Variants in TRADD observed in about 807,000 individuals in gnomAD.
TRADD encodes the protein tumor necrosis factor receptor type 1-associated DEATH domain protein.
In TRADD, 14 loss-of-function variants were observed where a neutral mutation model predicts 31.5. The observed-to-expected ratio is 0.44, with a 90% confidence interval of 0.29 to 0.69. TRADD has a LOEUF of 0.69. Ranked by LOEUF, TRADD falls within the 30% of genes least tolerant of loss-of-function variation. The probability of loss-of-function intolerance (pLI) is 0.11; values close to 1 mark genes in which losing one functional copy is unlikely to be tolerated. For synonymous variants in TRADD, 220 were observed against 215.8 expected, an observed-to-expected ratio of 1.02 and a Z score of -0.17; for missense variants, 388 against 435.7, an observed-to-expected ratio of 0.89 and a Z score of 0.97.
In TRADD at chr16:67,154,476, A is replaced by T; in HGVS notation, c.*173T>A. The T allele has an allele frequency of 1.3e-6, 1 of 759,868 alleles. No individual in the cohort carries two copies. The highest frequency in any genetic ancestry group is 2.1e-6 in the Non-Finnish European group (1 of 466,488). The allele number at this position is 759,868 out of a possible 1,614,324, so 47.1% of individuals were successfully genotyped here. On this transcript the variant is annotated 3_prime_UTR_variant, in exon 5 of 5. Transcript: ENST00000345057. The surrounding 1 kb of genome is among the most constrained non-coding windows in gnomAD (Gnocchi z 5.2). ...AGTACCTGAGGCAGAATCCCCAATG[A>T]TGCACCCCCAGTGGTCTGGCTCCTG... is the stretch of plus-strand genomic sequence containing the variant.
Position 67,154,965 on chromosome 16 carries a change from G to A in TRADD, c.629-6C>T. On this transcript the variant is annotated splice_region_variant and splice_polypyrimidine_tract_variant and intron_variant, in intron 4 of 4. Coordinates refer to ENST00000345057, the MANE Select transcript of TRADD (RefSeq NM_003789.4). The surrounding 1 kb of genome is among the most constrained non-coding windows in gnomAD (Gnocchi z 5.2). ...CAGGCTCAGCGGCCGATTCACTGCAGAGGGAGTGGGGAAACGGGGTGAGGG... is the reference window on the plus strand; with the variant it reads ...CAGGCTCAGCGGCCGATTCACTGCAAAGGGAGTGGGGAAACGGGGTGAGGG... The A allele has an allele frequency of 6.2e-7, 1 of 1,608,346 alleles. No individual in the cohort carries two copies. Among genetic ancestry groups the A allele is most frequent in the Non-Finnish European group, 8.5e-7 (1 of 1,178,086 alleles).
intron 4 of TRADD, 36 bp downstream of exon 4, chr16:67,155,060 C>T: frequency 7.6e-7 from 1 of 1,311,530 alleles, no homozygotes; most frequent in Non-Finnish European, 1.0e-6. Context: ...CAGACTCCAA[C>T]CTCCTGGTGA....
Position 67,154,802 on chromosome 16 carries a change from G to A in TRADD, c.786C>T (p.Tyr262=), listed in dbSNP as rs750618299. 6.2e-5 allele frequency: 99 copies of A among 1,596,914 alleles called. No homozygotes were observed. The highest frequency in any genetic ancestry group is 3.3e-4 in the Middle Eastern group (2 of 6,066). ...LAYEYEREGL[Y]EQAFQLLRRF... ...GCCGCAGCAGCTGGAAGGCCTGCTCGTACAGTCCCTCGCGCTCGTACTCGT... is the reference window on the plus strand; with the variant it reads ...GCCGCAGCAGCTGGAAGGCCTGCTCATACAGTCCCTCGCGCTCGTACTCGT... The change falls in exon 5 of 5, where the codon TAC becomes TAT. Residue 262 remains tyrosine (Y), a synonymous_variant. Coordinates refer to ENST00000345057, the MANE Select transcript of TRADD (RefSeq NM_003789.4). The surrounding 1 kb of genome is among the most constrained non-coding windows in gnomAD (Gnocchi z 5.2).
chr16:67,154,229 A>C lies in TRADD; in HGVS notation c.*420T>G. ...TGTTATACTTTATTATCATTGCTTA[A>C]CATTCGGGGTCCCACGCTGAGTGTG... is the stretch of plus-strand genomic sequence containing the variant. On this transcript the variant is annotated 3_prime_UTR_variant, in exon 5 of 5. Transcript: ENST00000345057. This position sits in a 1 kb window ranked among gnomAD's most constrained non-coding sequence, Gnocchi z 5.2. 3.7e-6 allele frequency: 1 copy of C among 269,812 alleles called. No individual in the cohort carries two copies. The highest frequency in any genetic ancestry group is 7.2e-6 in the Non-Finnish European group (1 of 138,274). The allele number at this position is 269,812 out of a possible 1,614,324, so 16.7% of individuals were successfully genotyped here.
At chr16:67,155,320 G>T in intron 3 of TRADD, 26 bp from the exon 4 acceptor site, 1 of 1,608,774 alleles carries the variant, frequency 6.2e-7, no homozygotes, top group East Asian at 2.2e-5. Flanking sequence ...GTGCCGTCAC[G>T]GGGGACTTAA....
Position 67,159,012 on chromosome 16 carries a change from G to A in TRADD, c.-9+826C>T, listed in dbSNP as rs924358449. On this transcript the variant is annotated intron_variant, in intron 1 of 4. Transcript: ENST00000345057. The surrounding 1 kb of genome is among the most constrained non-coding windows in gnomAD (Gnocchi z 6.8). ...TACTGGGAACCTGGAGACTGGGGAT[G>A]CTTTCTCACACTCACTAGTACTAGA... Among the ~76,000 whole-genome samples the A allele has an allele frequency of 2.6e-5, 4 of 152,196 alleles. No homozygotes were observed. Among genetic ancestry groups the A allele is most frequent in the African/African-American group, 7.2e-5 (3 of 41,446 alleles).
chr16:67,155,271 T>C lies in TRADD; in HGVS notation c.453A>G (p.Glu151=). The C allele has an allele frequency of 6.2e-7, 1 of 1,610,508 alleles. No homozygotes were observed. Among genetic ancestry groups the C allele is most frequent in the Non-Finnish European group, 8.5e-7 (1 of 1,179,252 alleles). Residue 151 remains glutamate (E), a synonymous_variant, in exon 4 of 5, where the codon GAA becomes GAG. Coordinates refer to ENST00000345057, the MANE Select transcript of TRADD (RefSeq NM_003789.4). ...AQQPDRLRDE[E]LAELEDALRN... The stretch of plus-strand genomic sequence containing the variant: ...GCAGCGCATCCTCCAGCTCAGCCAG[T>C]TCTTCATCCCGGAGCCGGTCGGGCT...
Position 67,154,398 on chromosome 16 carries a change from A to G in TRADD, c.*251T>C. On this transcript the variant is annotated 3_prime_UTR_variant, in exon 5 of 5. Transcript: ENST00000345057. This position sits in a 1 kb window ranked among gnomAD's most constrained non-coding sequence, Gnocchi z 5.2. ...CTGTAAGCCCCGCTTCTGGGATGGG[A>G]GAAGGTGAGGCTGATCTCCAAAGCA... 1 of 583,312 alleles carries G rather than the reference A, an allele frequency of 1.7e-6. No individual in the cohort carries two copies. Among genetic ancestry groups the G allele is most frequent in the South Asian group, 2.0e-5 (1 of 49,652 alleles). 36.1% of individuals were successfully genotyped at this position (583,312 alleles called of 1,614,324 possible).
At chr16:67,158,208 C>G (rs530278710) in intron 1 of TRADD, among the ~76,000 whole-genome samples, 1 of 152,372 alleles carries the variant, frequency 6.6e-6, no homozygotes, top group South Asian at 2.1e-4. Flanking sequence ...CTCTGTCACC[C>G]AGGCTGGAGT....
rs1439472888 is a variant in TRADD at position 67,155,229 on chromosome 16, G to T, written c.495C>A (p.Gly165=). The change falls in exon 4 of 5, where the codon GGC becomes GGA. Residue 165 remains glycine, a synonymous_variant. Transcript: ENST00000345057. The part of the protein sequence containing the change: ...LEDALRNLKC[G]SGARGGDGEV... ...CCCCGTCGCCACCCCGGGCCCCCGAGCCGCACTTCAGATTTCGCAGCGCAT... is the reference window on the plus strand; with the variant it reads ...CCCCGTCGCCACCCCGGGCCCCCGATCCGCACTTCAGATTTCGCAGCGCAT... 1.9e-6 allele frequency: 3 copies of T among 1,603,802 alleles called. No individual in the cohort carries two copies. The highest frequency in any genetic ancestry group is 3.3e-4 in the Middle Eastern group (2 of 6,048).
Position 67,155,512 on chromosome 16 carries a change from C to G in TRADD, c.294G>C (p.Ala98=). 6.5e-7 allele frequency: 1 copy of G among 1,531,484 alleles called. No homozygotes were observed. The highest frequency in any genetic ancestry group is 8.7e-7 in the Non-Finnish European group (1 of 1,147,208). 94.9% of individuals were successfully genotyped at this position (1,531,484 alleles called of 1,614,324 possible). A position where few individuals can be genotyped will look rare whatever the true frequency, so the allele number is the denominator to read the frequency against. ...GCGCGGCCGCCAGGCTCCTCTGCAGCGCGGCGCGCAGCGCCCCCTCGCGGT... is the reference window on the plus strand; with the variant it reads ...GCGCGGCCGCCAGGCTCCTCTGCAGGGCGGCGCGCAGCGCCCCCTCGCGGT... ...RAYREGALRA[A]LQRSLAAALA... Residue 98 remains alanine, a synonymous_variant, in exon 3 of 5, where the codon GCG becomes GCC. Transcript: ENST00000345057.
chr16:67,158,223 TG>T (rs1224499583), intron 1 of TRADD, among the ~76,000 whole-genome samples: 15 of 152,366 alleles, frequency 9.8e-5, no homozygotes, highest in African/African-American at 3.1e-4. Context: ...TGGAGTGCAG[TG>T]GCACTATCGC....
At chr16:67,158,525 T>C (rs1347813759) in intron 1 of TRADD, among the ~76,000 whole-genome samples, 1 of 151,496 alleles carries the variant, frequency 6.6e-6, no homozygotes, top group Non-Finnish European at 1.5e-5. Flanking sequence ...ACAGTCTGGA[T>C]AGTAACAGGA....
At position 67,155,467 on chromosome 16, in the gene TRADD, C is replaced by T. The variant is rs1183647565; in HGVS notation, c.339G>A (p.Pro113=). The part of the protein sequence containing the change: ...LAAALAQHSV[P]LQLELRAGAE... ...CGCCGGCGCGCAGCTCCAGTTGCAG[C>T]GGCACCGAGTGCTGGGCGAGCGCGG... Residue 113 remains proline, a synonymous_variant, in exon 3 of 5, where the codon CCG becomes CCA. Transcript: ENST00000345057. The T allele has an allele frequency of 6.3e-7, 1 of 1,589,332 alleles. No individual in the cohort carries two copies. Among genetic ancestry groups the T allele is most frequent in the Non-Finnish European group, 8.5e-7 (1 of 1,175,816 alleles).
rs1031398465 is a variant in TRADD, at chr16:67,159,023, C to T, written c.-9+815G>A. ...TGGAGACTGGGGATGCTTTCTCACA[C>T]TCACTAGTACTAGAAGATGGGGAAG... On this transcript the variant is annotated intron_variant, in intron 1 of 4. Transcript: ENST00000345057. This position sits in a 1 kb window ranked among gnomAD's most constrained non-coding sequence, Gnocchi z 6.8. Among the ~76,000 whole-genome samples the T allele has an allele frequency of 4.6e-5, 7 of 152,190 alleles. No homozygotes were observed. Among genetic ancestry groups the T allele is most frequent in the Admixed American group, 4.6e-4 (7 of 15,284 alleles).
At position 67,155,539 on chromosome 16, in the gene TRADD, G is replaced by C; in HGVS notation, c.267C>G (p.Ala89=). 1 of 1,521,050 alleles carries C rather than the reference G, an allele frequency of 6.6e-7. No homozygotes were observed. 94.2% of individuals were successfully genotyped at this position (1,521,050 alleles called of 1,614,324 possible). The change falls in exon 3 of 5, where the codon GCC becomes GCG. Residue 89 remains alanine, a synonymous_variant. Transcript: ENST00000345057. The part of the protein sequence containing the change: ...GRQPCGRFLR[A]YREGALRAAL... ...CGGCGCGCAGCGCCCCCTCGCGGTAGGCGCGGAGGAAGCGGCCACAGGGCT... is the reference window on the plus strand; with the variant it reads ...CGGCGCGCAGCGCCCCCTCGCGGTACGCGCGGAGGAAGCGGCCACAGGGCT...
At position 67,155,857 on chromosome 16, in the gene TRADD, G is replaced by A. The variant is rs1347727074; in HGVS notation, c.152-203C>T. 4 of 1,499,162 alleles carry A rather than the reference G, an allele frequency of 2.7e-6. No individual in the cohort carries two copies. The South Asian group carries it at 3.8e-5, about 14-fold the overall frequency. The allele number at this position is 1,499,162 out of a possible 1,614,324, so 92.9% of individuals were successfully genotyped here. A position where few individuals can be genotyped will look rare whatever the true frequency, so the allele number is the denominator to read the frequency against. On this transcript the variant is annotated intron_variant, in intron 2 of 4. Coordinates refer to ENST00000345057, the MANE Select transcript of TRADD (RefSeq NM_003789.4). The stretch of plus-strand genomic sequence containing the variant: ...AAAGAAGACCAGGATCTGTCACAGG[G>A]AGCACCCTAAGACAGAGTGGGTGCC...
chr16:67,154,281 T>C lies in TRADD; in HGVS notation c.*368A>G. On this transcript the variant is annotated 3_prime_UTR_variant, in exon 5 of 5. Transcript: ENST00000345057. This position sits in a 1 kb window ranked among gnomAD's most constrained non-coding sequence, Gnocchi z 5.2. Reference sequence around the variant, plus strand: ...GCTGGGGGCAGGCAAGATTGATTCCTGTTTTACTTCACTGCAGTATCTGCA... The same window carrying C: ...GCTGGGGGCAGGCAAGATTGATTCCCGTTTTACTTCACTGCAGTATCTGCA... The C allele has an allele frequency of 5.4e-6, 2 of 367,936 alleles. No individual in the cohort carries two copies. The highest frequency in any genetic ancestry group is 2.1e-5 in the African/African-American group (1 of 48,752). The allele number at this position is 367,936 out of a possible 1,614,324, so 22.8% of individuals were successfully genotyped here. A position where few individuals can be genotyped will look rare whatever the true frequency, so the allele number is the denominator to read the frequency against.
At position 67,159,497 on chromosome 16, in the gene TRADD, G is replaced by A. The variant is rs1441612477; in HGVS notation, c.-9+341C>T. On this transcript the variant is annotated intron_variant, in intron 1 of 4. Transcript: ENST00000345057. This position sits in a 1 kb window ranked among gnomAD's most constrained non-coding sequence, Gnocchi z 6.8. The stretch of plus-strand genomic sequence containing the variant: ...AGGGGAGCTTCCCAGGCTCCCACTA[G>A]CCCACCCTCAAGCTGGGGTTTCGCA... Among the ~76,000 whole-genome samples, 3 of 152,332 alleles carry A rather than the reference G, an allele frequency of 2.0e-5. No individual in the cohort carries two copies. Among genetic ancestry groups the A allele is most frequent in the Non-Finnish European group, 4.4e-5 (3 of 68,012 alleles).
Sources: allele counts gnomAD v4.1 joint callset (sites outside exome capture counted in the v4.1 genomes callset), GRCh38; gene constraint gnomAD v4.1.1; non-coding constraint Gnocchi (gnomAD v3.1); transcripts MANE v1.5; gene names NCBI Gene and HGNC (gene_info 2026-07-23, HGNC 2026-07-21).